MAST3: variants seen among roughly 807,000 people sequenced by gnomAD.
MAST3 encodes microtubule associated serine/threonine kinase 3, also known as microtubule-associated serine/threonine-protein kinase 3.
Under a neutral mutation model 127.0 loss-of-function variants are expected in MAST3, and 43 were observed. The observed-to-expected ratio is 0.34, with a 90% confidence interval of 0.27 to 0.44. MAST3 has a LOEUF of 0.44. Among genes scored for constraint, MAST3 ranks in the 20% least tolerant of loss-of-function variants. MAST3 has a pLI of 1.00. For synonymous variants in MAST3, 785 were observed against 809.2 expected (o/e 0.97, Z 0.51); for missense variants, 1,390 against 1,919.1 (o/e 0.72, Z 5.15).
At chr19:18,118,289 C>T (rs1267233904) in intron 3 of MAST3, 5 of 980,310 alleles carry the variant, frequency 5.1e-6, no homozygotes, top group East Asian at 2.3e-4. Context: ...GCTCGGCGGC[C>T]AGCCGAGCAA....
intron 1 of MAST3, among the ~76,000 whole-genome samples, chr19:18,098,257 C>G (rs1266087140): frequency 1.3e-5 from 2 of 152,162 alleles, no homozygotes; most frequent in African/African-American, 4.8e-5. Context: ...ACCCTCAGCT[C>G]AGCCCTACGA....
intron 13 of MAST3, 42 bp from the exon 14 acceptor site, chr19:18,130,452 C>T (rs1363168362): frequency 1.3e-6 from 2 of 1,534,346 alleles, no homozygotes; most frequent in African/African-American, 1.4e-5. Flanking sequence ...CCTGCTGGGG[C>T]CTCGATCTCC....
chr19:18,136,493 G>A (rs1209679756), intron 18 of MAST3, among the ~76,000 whole-genome samples: 4 of 152,200 alleles, frequency 2.6e-5, no homozygotes, highest in Non-Finnish European at 5.9e-5. Flanking sequence ...TTGGCTCACT[G>A]CAACCTCCGC....
At chr19:18,111,358 C>G (rs1336804414) in intron 3 of MAST3, among the ~76,000 whole-genome samples, 2 of 151,958 alleles carry the variant, frequency 1.3e-5, no homozygotes, top group Admixed American at 1.3e-4. Flanking sequence ...AGTTGGTTGA[C>G]TCTGTGACTG....
intron 3 of MAST3, among the ~76,000 whole-genome samples, chr19:18,114,157 C>T (rs1400689065): frequency 1.3e-5 from 2 of 151,900 alleles, no homozygotes; most frequent in East Asian, 1.9e-4. Context: ...TATACCTGTC[C>T]ATTTCCACAT....
Position 18,135,750 on chromosome 19 carries a change from G to A in MAST3, c.1881G>A (p.Met627Ile), listed in dbSNP as rs1356216834. The change falls in exon 18 of 28, where the codon ATG (methionine) becomes ATA (isoleucine). Residue 627 changes from methionine to isoleucine, a missense_variant. Physicochemically the swap from Met to Ile is conservative, Grantham distance 10. Transcript: ENST00000687212. ...LFGQVVSDEIMWPEGDEALPA... is the reference protein window; with the variant it reads ...LFGQVVSDEIIWPEGDEALPA... ...CCTCCCTCATTTTAGATGAGATCAT[G>A]TGGCCAGAGGGAGATGAGGCCCTTC... The A allele has an allele frequency of 1.9e-6, 3 of 1,611,396 alleles. No individual in the cohort carries two copies. Among genetic ancestry groups the A allele is most frequent in the Non-Finnish European group, 2.5e-6 (3 of 1,178,634 alleles).
At chr19:18,114,657 T>G (rs1339823877) in intron 3 of MAST3, among the ~76,000 whole-genome samples, 1 of 152,174 alleles carries the variant, frequency 6.6e-6, no homozygotes, top group Non-Finnish European at 1.5e-5. Context: ...TGCATGTGGC[T>G]TAGATGAATG....
chr19:18,140,310 T>G (rs2042327129), intron 20 of MAST3, among the ~76,000 whole-genome samples: 1 of 151,756 alleles, frequency 6.6e-6, no homozygotes. Context: ...CCCCCAGAGG[T>G]GGAGGCTGCA....
chr19:18,128,199 C>A (rs2040871675), intron 11 of MAST3, among the ~76,000 whole-genome samples: 1 of 152,202 alleles, frequency 6.6e-6, no homozygotes, highest in South Asian at 2.1e-4. Flanking sequence ...CAGGGCAGCC[C>A]ACTGGCCCTT....
Position 18,112,369 on chromosome 19 carries a change from C to G in MAST3, c.161+1628C>G, listed in dbSNP as rs1167656321. On this transcript the variant is annotated intron_variant, in intron 3 of 27. Coordinates refer to ENST00000687212, the MANE Select transcript of MAST3 (RefSeq NM_001393504.1). The surrounding 1 kb of genome is among the most constrained non-coding windows in gnomAD (Gnocchi z 4.1). ...TGTTTGTTTGAGAAGGGATCTTGCTCTGTTGCCCAGGCTGGAGTCCAGTGG... is the reference window on the plus strand; with the variant it reads ...TGTTTGTTTGAGAAGGGATCTTGCTGTGTTGCCCAGGCTGGAGTCCAGTGG... Among the ~76,000 whole-genome samples the G allele has an allele frequency of 2.0e-5, 3 of 152,096 alleles. No individual in the cohort carries two copies.
chr19:18,133,785 C>T (rs753922451), intron 15 of MAST3, among the ~76,000 whole-genome samples: 18 of 152,154 alleles, frequency 1.2e-4, no homozygotes, highest in Non-Finnish European at 2.1e-4. Flanking sequence ...AACTCCCGAC[C>T]TCAGGTGATC....
intron 11 of MAST3, among the ~76,000 whole-genome samples, chr19:18,125,309 G>A (rs2040484804): frequency 6.6e-6 from 1 of 152,176 alleles, no homozygotes; most frequent in African/African-American, 2.4e-5. Flanking sequence ...AGGAAGCCTG[G>A]GGACCAGTGT....
At chr19:18,135,013 C>G (rs1759727230) in intron 17 of MAST3, 31 bp downstream of exon 17, 1 of 1,564,108 alleles carries the variant, frequency 6.4e-7, no homozygotes, top group African/African-American at 1.4e-5. Flanking sequence ...TGGGTTTGAG[C>G]TGCAGCCCCA....
At chr19:18,123,745 C>T in intron 8 of MAST3, 90 bp downstream of exon 8, 2 of 1,191,066 alleles carry the variant, frequency 1.7e-6, no homozygotes, top group South Asian at 1.6e-5. Flanking sequence ...GCTATGTCCC[C>T]TTTGCCAGTC....
chr19:18,109,959 C>G (rs1342708085), intron 2 of MAST3: 7 of 985,204 alleles, frequency 7.1e-6, no homozygotes, highest in Non-Finnish European at 8.4e-6. Flanking sequence ...AGCAATCGCG[C>G]GGACCGCGGA....
At chr19:18,134,244 A>G (rs1226271022) in intron 15 of MAST3, among the ~76,000 whole-genome samples, 3 of 152,056 alleles carry the variant, frequency 2.0e-5, no homozygotes, top group Non-Finnish European at 2.9e-5. Context: ...ATATACACAC[A>G]CACACATATA....
At chr19:18,136,673 C>T (rs914734745) in intron 18 of MAST3, among the ~76,000 whole-genome samples, 3 of 152,122 alleles carry the variant, frequency 2.0e-5, no homozygotes, top group Admixed American at 1.3e-4. Flanking sequence ...GTGATCTGCC[C>T]GCCTCAGCCT....
rs761323593 is a variant in MAST3 at position 18,122,632 on chromosome 19, G to A, written c.321-41G>A. On this transcript the variant is annotated intron_variant, in intron 5 of 27. Coordinates refer to ENST00000687212, the MANE Select transcript of MAST3 (RefSeq NM_001393504.1). ...GTTCTTAGTCCCCACAAACCACAGGGGCCAGGCCTTCCTTCCATCTGTTCT... is the reference window on the plus strand; with the variant it reads ...GTTCTTAGTCCCCACAAACCACAGGAGCCAGGCCTTCCTTCCATCTGTTCT... 5 of 1,564,382 alleles carry A rather than the reference G, an allele frequency of 3.2e-6. No homozygotes were observed. In the South Asian group the frequency reaches 4.6e-5, roughly 14 times the overall value.
chr19:18,148,049 C>T lies in MAST3; in HGVS notation c.3508+425C>T, dbSNP rs556454698. Among the ~76,000 whole-genome samples the T allele has an allele frequency of 7.2e-5, 11 of 152,140 alleles. No individual in the cohort carries two copies. In the South Asian group the frequency reaches 2.3e-3, roughly 32 times the overall value. On this transcript the variant is annotated intron_variant, in intron 27 of 27. Transcript: ENST00000687212. ...GGGCATGGAGGCTCACACCTGTAATCCCAGCACTTTGGGAGGCCGAGGCAG... is the reference window on the plus strand; with the variant it reads ...GGGCATGGAGGCTCACACCTGTAATTCCAGCACTTTGGGAGGCCGAGGCAG...
Sources: allele counts gnomAD v4.1 joint callset (sites outside exome capture counted in the v4.1 genomes callset), GRCh38; gene constraint gnomAD v4.1.1; non-coding constraint Gnocchi (gnomAD v3.1); transcripts MANE v1.5; gene names NCBI Gene and HGNC (gene_info 2026-07-23, HGNC 2026-07-21).